PAPPA2: variants seen among roughly 807,000 people sequenced by gnomAD.
PAPPA2 encodes the protein pappalysin 2.
In PAPPA2, 86 loss-of-function variants were observed where a neutral mutation model predicts 176.4. The observed-to-expected ratio is 0.49, with a 90% CI of 0.41 to 0.58. PAPPA2 has a LOEUF of 0.58. PAPPA2 is among the 20% of genes least tolerant of loss of function. The pLI is 0.00. For missense variants in PAPPA2, 2,073 were observed against 2,256.9 expected, an observed-to-expected ratio of 0.92 and a Z score of 1.65; for synonymous variants, 809 against 852.2, an observed-to-expected ratio of 0.95 and a Z score of 0.88.
At chr1:176,527,530 G>A (rs1283943731) in intron 1 of PAPPA2, among the ~76,000 whole-genome samples, 1 of 152,158 alleles carries the variant, frequency 6.6e-6, no homozygotes, top group African/African-American at 2.4e-5. Flanking sequence ...TCTATCACAG[G>A]GCCTGGCACA....
intron 15 of PAPPA2, among the ~76,000 whole-genome samples, chr1:176,769,255 C>T (rs900696648): frequency 2.6e-5 from 4 of 152,200 alleles, no homozygotes; most frequent in African/African-American, 4.8e-5. Context: ...AATGCAAGTA[C>T]AAGTCAGAGG....
At chr1:176,698,306 A>C (rs775356695) in intron 7 of PAPPA2, among the ~76,000 whole-genome samples, 1 of 152,232 alleles carries the variant, frequency 6.6e-6, no homozygotes, top group Non-Finnish European at 1.5e-5. Context: ...GAGGCATAGA[A>C]AGATGTGCCA....
chr1:176,544,966 C>G (rs1243536616), intron 1 of PAPPA2, among the ~76,000 whole-genome samples: 2 of 152,196 alleles, frequency 1.3e-5, no homozygotes, highest in Non-Finnish European at 2.9e-5. Flanking sequence ...CATGTCCTCT[C>G]CAGCCAGCCA....
At chr1:176,840,586 G>A (rs915085083) in intron 22 of PAPPA2, among the ~76,000 whole-genome samples, 3 of 152,102 alleles carry the variant, frequency 2.0e-5, no homozygotes, top group African/African-American at 7.2e-5. Context: ...CCTTACCCCT[G>A]GGGGAGGTGG....
intron 1 of PAPPA2, among the ~76,000 whole-genome samples, chr1:176,534,947 G>A (rs1402744963): frequency 1.3e-5 from 2 of 152,136 alleles, no homozygotes. Context: ...TGAATGTCTT[G>A]CTTACTGGGG....
At chr1:176,771,332 C>T in intron 17 of PAPPA2, 152 bp downstream of exon 17, 1 of 706,780 alleles carries the variant, frequency 1.4e-6, no homozygotes, top group South Asian at 1.8e-5. Flanking sequence ...ATATTCTCTC[C>T]AATAGAAGAT....
intron 2 of PAPPA2, among the ~76,000 whole-genome samples, chr1:176,585,258 G>A (rs1381502779): frequency 6.6e-6 from 1 of 151,870 alleles, no homozygotes; most frequent in African/African-American, 2.4e-5. Context: ...GCTGGGTATA[G>A]TATTCTCGGC....
intron 1 of PAPPA2, among the ~76,000 whole-genome samples, chr1:176,533,892 GCTGCTAGTCTGAA>G (rs1215152015): frequency 6.6e-6 from 1 of 152,176 alleles, no homozygotes; most frequent in African/African-American, 2.4e-5. Context: ...TTCTTGAAAT[GCTGCTAGTCTGAA>G]CAGAGACTTG....
chr1:176,624,881 G>A (rs1272829227), intron 3 of PAPPA2, among the ~76,000 whole-genome samples: 2 of 152,174 alleles, frequency 1.3e-5, no homozygotes, highest in Non-Finnish European at 2.9e-5. Context: ...CCAGGTTGCA[G>A]GGCAGATCCC....
intron 2 of PAPPA2, among the ~76,000 whole-genome samples, chr1:176,573,267 C>T (rs949147285): frequency 2.0e-5 from 3 of 152,140 alleles, no homozygotes; most frequent in Non-Finnish European, 4.4e-5. Context: ...TACTGGAATT[C>T]CAAGCACATG....
chr1:176,619,926 T>G (rs191589455), intron 3 of PAPPA2, among the ~76,000 whole-genome samples: 3 of 152,274 alleles, frequency 2.0e-5, no homozygotes, highest in Non-Finnish European at 4.4e-5. Flanking sequence ...GGGAGTATGG[T>G]GTATTGAAGA....
intron 20 of PAPPA2, 137 bp from the exon 21 acceptor site, chr1:176,799,924 A>T (rs775167188): frequency 1.2e-6 from 1 of 824,968 alleles, no homozygotes; most frequent in Non-Finnish European, 2.0e-6. Flanking sequence ...GCCCCAATCC[A>T]CTTTATGGGA....
chr1:176,514,555 T>A (rs1482559676), intron 1 of PAPPA2, among the ~76,000 whole-genome samples: 1 of 152,182 alleles, frequency 6.6e-6, no homozygotes, highest in Non-Finnish European at 1.5e-5. Flanking sequence ...TTGACTTAAG[T>A]CAAAACCTCA....
intron 1 of PAPPA2, among the ~76,000 whole-genome samples, chr1:176,511,927 G>A (rs537057952): frequency 3.3e-5 from 5 of 151,906 alleles, no homozygotes; most frequent in Non-Finnish European, 5.9e-5. Context: ...ATAAATATCA[G>A]TTTTTTTCCT....
chr1:176,487,855 G>A (rs1386988527), intron 1 of PAPPA2, among the ~76,000 whole-genome samples: 1 of 152,126 alleles, frequency 6.6e-6, no homozygotes, highest in East Asian at 1.9e-4. Context: ...TTGGGCCAAG[G>A]GCTGATAGTA....
chr1:176,733,153 A>G (rs1430467627), intron 12 of PAPPA2, among the ~76,000 whole-genome samples: 1 of 152,176 alleles, frequency 6.6e-6, no homozygotes, highest in African/African-American at 2.4e-5. Context: ...TGTCTTCCAT[A>G]AAATAGGTTC....
chr1:176,621,573 G>A (rs1167455674), intron 3 of PAPPA2, among the ~76,000 whole-genome samples: 1 of 152,120 alleles, frequency 6.6e-6, no homozygotes, highest in Non-Finnish European at 1.5e-5. Flanking sequence ...GAAACAAAAA[G>A]AGAAAGAACG....
intron 2 of PAPPA2, among the ~76,000 whole-genome samples, chr1:176,586,280 A>AT (rs1428552381): frequency 6.6e-6 from 1 of 152,038 alleles, no homozygotes; most frequent in African/African-American, 2.4e-5. Context: ...ATACAATTCT[A>AT]TTTTTTTGGC....
At chr1:176,760,252 A>G (rs1663637943) in intron 14 of PAPPA2, among the ~76,000 whole-genome samples, 1 of 152,214 alleles carries the variant, frequency 6.6e-6, no homozygotes, top group East Asian at 1.9e-4. Context: ...TTTCTTCAGA[A>G]AAGGGGATAT....
Sources: allele counts gnomAD v4.1 joint callset (sites outside exome capture counted in the v4.1 genomes callset), GRCh38; gene constraint gnomAD v4.1.1; transcripts MANE v1.5; gene names NCBI Gene and HGNC (gene_info 2026-07-23, HGNC 2026-07-21).